The following COL19A1 variants were observed in gnomAD, a reference collection of about 807,000 sequenced individuals.
The protein encoded by COL19A1 is collagen type XIX alpha 1 chain, also known as collagen alpha-1(XIX) chain.
A neutral mutation model predicts 190.2 loss-of-function variants in COL19A1; 159 were observed. The ratio of observed to expected loss-of-function variants is 0.84; its 90% confidence interval spans 0.73 to 0.95. The LOEUF (loss-of-function observed/expected upper bound fraction) is 0.95. Among genes scored for constraint, COL19A1 ranks in the 40% least tolerant of loss-of-function variants. The pLI is 0.00. For synonymous variants in COL19A1, 509 were observed against 458.9 expected, an observed-to-expected ratio of 1.11 and a Z score of -1.39; for missense variants, 1,418 against 1,431.9, an observed-to-expected ratio of 0.99 and a Z score of 0.16.
chr6:69,888,378 A>C (rs1769087441), intron 2 of COL19A1, among the ~76,000 whole-genome samples: 2 of 152,174 alleles, frequency 1.3e-5, no homozygotes, highest in South Asian at 4.1e-4. Context: ...CCCAGAGTCC[A>C]ATCCTAAGCC....
At chr6:69,908,812 A>G (rs1378534749) in intron 4 of COL19A1, among the ~76,000 whole-genome samples, 1 of 152,172 alleles carries the variant, frequency 6.6e-6, no homozygotes, top group African/African-American at 2.4e-5. Context: ...TATAAATTCT[A>G]CAACATTCAT....
intron 46 of COL19A1, among the ~76,000 whole-genome samples, chr6:70,187,332 A>ACAAACACAAACATG (rs1562255564): frequency 1.4e-5 from 2 of 144,756 alleles, no homozygotes; most frequent in Non-Finnish European, 3.1e-5. Context: ...CTCAACGTGC[A>ACAAACACAAACATG]CACACACATG....
rs34837646 is a variant in COL19A1, at chr6:70,144,926, G to A, written c.1689G>A (p.Pro563=). 139,751 of 1,572,740 alleles carry A rather than the reference G, an allele frequency of 0.089. 7,054 individuals carry two copies. The highest frequency in any genetic ancestry group is 0.1 in the Non-Finnish European group (115,115 of 1,155,408). The change falls in exon 25 of 51, where the codon CCG becomes CCA. Residue 563 remains proline (P), a synonymous_variant. Coordinates refer to ENST00000620364, the MANE Select transcript of COL19A1 (RefSeq NM_001858.6). The stretch of plus-strand genomic sequence containing the variant: ...TACCTTGTTTTCTACAGGGAGATCC[G>A]GGTGGGATCATAGGCCCTCCCGGGC... ...KQGIKGEKGD[P]GGIIGPPGLP...
chr6:70,162,555 C>A (rs1413299086), intron 35 of COL19A1, among the ~76,000 whole-genome samples: 1 of 152,110 alleles, frequency 6.6e-6, no homozygotes, highest in African/African-American at 2.4e-5. Context: ...ATAGTGCATG[C>A]AGTTAAATTT....
chr6:70,195,809 G>A (rs990869785), intron 48 of COL19A1, among the ~76,000 whole-genome samples: 2 of 152,166 alleles, frequency 1.3e-5, no homozygotes, highest in African/African-American at 4.8e-5. Context: ...TAGTCTAAGA[G>A]TTTAGTTTTC....
Position 69,950,108 on chromosome 6 carries a change from A to G in COL19A1, c.937-9888A>G, listed in dbSNP as rs190759099. 7.9e-5 allele frequency among the ~76,000 whole-genome samples: 12 copies of G among 152,038 alleles called. No homozygotes were observed. In the East Asian group the frequency reaches 2.1e-3, roughly 27 times the overall value. On this transcript the variant is annotated intron_variant, in intron 9 of 50. Coordinates refer to ENST00000620364, the MANE Select transcript of COL19A1 (RefSeq NM_001858.6). ...AAGTGATTTGCATATAAATCACATT[A>G]TTCTAAAATAAACCTACACTTTGAA...
At chr6:70,101,945 A>T (rs1442942654) in intron 15 of COL19A1, among the ~76,000 whole-genome samples, 1 of 152,204 alleles carries the variant, frequency 6.6e-6, no homozygotes, top group Non-Finnish European at 1.5e-5. Context: ...AGGGCTGCTG[A>T]TAAAAGTTAA....
intron 11 of COL19A1, among the ~76,000 whole-genome samples, chr6:69,976,619 G>A (rs1419842924): frequency 6.6e-6 from 1 of 152,128 alleles, no homozygotes; most frequent in Non-Finnish European, 1.5e-5. Flanking sequence ...TGAAGCATAG[G>A]TAAGAGTTCT....
intron 49 of COL19A1, among the ~76,000 whole-genome samples, chr6:70,201,132 C>T (rs975690660): frequency 3.7e-4 from 57 of 152,076 alleles, no homozygotes; most frequent in Non-Finnish European, 7.5e-4. Flanking sequence ...CCTCAAGCCA[C>T]GTGAAGAATA....
rs547614497 is a variant in COL19A1 at position 70,149,920 on chromosome 6, A to T, written c.1983+16A>T. On this transcript the variant is annotated intron_variant, in intron 29 of 50. Transcript: ENST00000620364. ...AGGGAATGATGTAAGGACTTTCTTT[A>T]TCTACCCTCCCCCATTTTAATCTGC... The T allele has an allele frequency of 1.9e-5, 30 of 1,613,710 alleles. No individual in the cohort carries two copies. The South Asian group carries it at 2.7e-4, about 15-fold the overall frequency.
At chr6:70,183,495 T>G (rs1241709746) in intron 44 of COL19A1, among the ~76,000 whole-genome samples, 1 of 152,174 alleles carries the variant, frequency 6.6e-6, no homozygotes, top group Non-Finnish European at 1.5e-5. Context: ...ACCAAAAACA[T>G]GAACTACACT....
rs148229359 is a variant in COL19A1 at position 70,038,560 on chromosome 6, T to C, written c.1170+2621T>C. Among the ~76,000 whole-genome samples, 21 of 152,344 alleles carry C rather than the reference T, an allele frequency of 1.4e-4. No individual in the cohort carries two copies. The East Asian group carries it at 2.1e-3, about 15-fold the overall frequency. Reference sequence around the variant, plus strand: ...AAATGAAGTTAAGATTGAACCCTGCTTCATTAAATGGAGAGAATTAGGGCT... The same window carrying C: ...AAATGAAGTTAAGATTGAACCCTGCCTCATTAAATGGAGAGAATTAGGGCT... On this transcript the variant is annotated intron_variant, in intron 14 of 50. Transcript: ENST00000620364.
intron 15 of COL19A1, among the ~76,000 whole-genome samples, chr6:70,085,484 A>G (rs917005206): frequency 6.6e-6 from 1 of 152,202 alleles, no homozygotes; most frequent in Non-Finnish European, 1.5e-5. Flanking sequence ...TGGTTTCTTT[A>G]AAGTGTTTGT....
chr6:69,900,663 A>T (rs1770128302), intron 4 of COL19A1, among the ~76,000 whole-genome samples: 1 of 152,184 alleles, frequency 6.6e-6, no homozygotes, highest in South Asian at 2.1e-4. Context: ...ACATTAAAAC[A>T]TAAGGCACTA....
intron 9 of COL19A1, among the ~76,000 whole-genome samples, chr6:69,940,896 T>C (rs749601618): frequency 5.9e-5 from 9 of 152,214 alleles, no homozygotes; most frequent in Non-Finnish European, 1.3e-4. Flanking sequence ...TTTCTGCTCC[T>C]ATTGCACTAT....
chr6:69,975,870 C>G (rs1582578035), intron 11 of COL19A1, among the ~76,000 whole-genome samples: 1 of 152,208 alleles, frequency 6.6e-6, no homozygotes, highest in East Asian at 1.9e-4. Flanking sequence ...ATTTAACTAC[C>G]TATTATTTAC....
intron 48 of COL19A1, among the ~76,000 whole-genome samples, chr6:70,199,205 A>C (rs1025723108): frequency 1.3e-5 from 2 of 152,376 alleles, no homozygotes; most frequent in Non-Finnish European, 2.9e-5. Context: ...GAATTCATGA[A>C]TATATTTTAA....
intron 36 of COL19A1, among the ~76,000 whole-genome samples, chr6:70,165,493 G>T (rs1349634513): frequency 1.3e-5 from 2 of 152,022 alleles, no homozygotes; most frequent in African/African-American, 4.8e-5. Context: ...TTTTACTTTC[G>T]TCAAATTATG....
chr6:69,972,687 A>G (rs1240758009), intron 11 of COL19A1, among the ~76,000 whole-genome samples: 3 of 151,998 alleles, frequency 2.0e-5, no homozygotes, highest in African/African-American at 4.8e-5. Context: ...TATATAAAAT[A>G]TAAAACATTA....
Sources: allele counts gnomAD v4.1 joint callset (sites outside exome capture counted in the v4.1 genomes callset), GRCh38; gene constraint gnomAD v4.1.1; transcripts MANE v1.5; gene names NCBI Gene and HGNC (gene_info 2026-07-23, HGNC 2026-07-21).